Variants in DGKB observed in about 807,000 individuals in gnomAD.
DGKB encodes the protein 90 kDa diacylglycerol kinase.
DGKB carries 67 observed loss-of-function variants against 114.3 expected under a neutral mutation model. That is an observed-to-expected ratio of 0.59 (90% CI 0.48 to 0.72). DGKB has a LOEUF of 0.72. Ranked by LOEUF, DGKB falls within the 30% of genes least tolerant of loss-of-function variation. The pLI is 0.00. For synonymous variants in DGKB, 398 were observed against 323.1 expected, an observed-to-expected ratio of 1.23 and a Z score of -2.49; for missense variants, 907 against 975.2, an observed-to-expected ratio of 0.93 and a Z score of 0.93.
At chr7:14,433,870 A>G (rs1828852479) in intron 21 of DGKB, among the ~76,000 whole-genome samples, 1 of 152,220 alleles carries the variant, frequency 6.6e-6, no homozygotes, top group Non-Finnish European at 1.5e-5. Context: ...TTTATGTCTT[A>G]TATACACCTT....
intron 21 of DGKB, among the ~76,000 whole-genome samples, chr7:14,476,777 C>T (rs191650660): frequency 0.023 from 3,167 of 138,192 alleles, 89 homozygotes; most frequent in African/African-American, 0.071. Flanking sequence ...TTTTTTGAGA[C>T]GGAATCTCAC....
At chr7:14,240,175 G>A (rs749755424) in intron 23 of DGKB, among the ~76,000 whole-genome samples, 12 of 151,860 alleles carry the variant, frequency 7.9e-5, no homozygotes, top group Non-Finnish European at 1.5e-4. Flanking sequence ...TTCTGCCAAA[G>A]AGATTTCACT....
At chr7:14,507,921 G>T (rs531989128) in intron 20 of DGKB, among the ~76,000 whole-genome samples, 140 of 152,212 alleles carry the variant, frequency 9.2e-4, no homozygotes, top group Non-Finnish European at 1.8e-3. Context: ...CAGAGACACA[G>T]ATTTGTCAAC....
chr7:14,638,201 A>G (rs1811099997), intron 13 of DGKB, among the ~76,000 whole-genome samples: 1 of 152,120 alleles, frequency 6.6e-6, no homozygotes, highest in Non-Finnish European at 1.5e-5. Flanking sequence ...TGGATATTTT[A>G]TATAACTACA....
rs990821372 is a variant in DGKB, at chr7:14,164,024, CAAAAT to C, written c.2304+12810_2304+12814del. On this transcript the variant is annotated intron_variant, in intron 25 of 25. Coordinates refer to ENST00000402815, the MANE Select transcript of DGKB (RefSeq NM_001350709.2). ...AACAAAAAACAAACAAAAAAAAAAA[CAAAAT>C]AAAAAACCTCACCACCACAACAACA... Among the ~76,000 whole-genome samples, 18 of 149,692 alleles carry C rather than the reference CAAAAT, an allele frequency of 1.2e-4. 1 individual carries two copies. Among genetic ancestry groups the C allele is most frequent in the East Asian group, 7.9e-4 (4 of 5,042 alleles).
intron 20 of DGKB, among the ~76,000 whole-genome samples, chr7:14,552,911 C>T (rs2128646620): frequency 6.6e-6 from 1 of 152,238 alleles, no homozygotes; most frequent in Middle Eastern, 3.4e-3. Flanking sequence ...CCGGGAAAGC[C>T]ACAGCTATCA....
intron 14 of DGKB, among the ~76,000 whole-genome samples, chr7:14,627,757 C>A (rs533405180): frequency 2.7e-4 from 41 of 151,918 alleles, no homozygotes; most frequent in African/African-American, 9.9e-4. Context: ...GCCTGGCCAA[C>A]ATGGTGAAAC....
intron 2 of DGKB, among the ~76,000 whole-genome samples, chr7:14,775,581 T>C (rs1838040276): frequency 6.6e-6 from 1 of 151,998 alleles, no homozygotes; most frequent in South Asian, 2.1e-4. Flanking sequence ...ACTTCCATGC[T>C]GTTTTTGTGA....
intron 8 of DGKB, among the ~76,000 whole-genome samples, chr7:14,695,186 A>C (rs1563934147): frequency 6.6e-6 from 1 of 152,156 alleles, no homozygotes; most frequent in Non-Finnish European, 1.5e-5. Context: ...TTGTATTTGA[A>C]AATTAGATTA....
At chr7:14,170,046 A>G (rs1033754106) in intron 25 of DGKB, among the ~76,000 whole-genome samples, 3 of 151,486 alleles carry the variant, frequency 2.0e-5, no homozygotes, top group Non-Finnish European at 4.4e-5. Flanking sequence ...AGGCAGGAGA[A>G]TCGCTTGAAC....
At chr7:14,704,566 T>C (rs1252074850) in intron 6 of DGKB, among the ~76,000 whole-genome samples, 2 of 151,012 alleles carry the variant, frequency 1.3e-5, no homozygotes, top group African/African-American at 4.9e-5. Flanking sequence ...GATTTCTGCA[T>C]TTCCATCTGA....
intron 20 of DGKB, among the ~76,000 whole-genome samples, chr7:14,566,003 G>T (rs1197543649): frequency 2.0e-5 from 3 of 151,944 alleles, no homozygotes; most frequent in African/African-American, 7.2e-5. Flanking sequence ...AGTTTTTGAG[G>T]TTTATGATGA....
intron 13 of DGKB, among the ~76,000 whole-genome samples, chr7:14,661,771 C>T (rs566970839): frequency 0.014 from 2,127 of 151,880 alleles, 44 homozygotes; most frequent in African/African-American, 0.048. Context: ...TTTATTGCGG[C>T]ATTATTCACA....
intron 1 of DGKB, among the ~76,000 whole-genome samples, chr7:14,929,645 C>T (rs549648563): frequency 3.3e-5 from 5 of 152,050 alleles, no homozygotes; most frequent in African/African-American, 1.2e-4. Flanking sequence ...ATGCAGTTAG[C>T]ACATATTTTC....
intron 21 of DGKB, among the ~76,000 whole-genome samples, chr7:14,471,954 C>A (rs1324195220): frequency 6.6e-6 from 1 of 152,070 alleles, no homozygotes. Flanking sequence ...GGCTGAGAAC[C>A]TATCTTTGTT....
chr7:14,287,572 G>C (rs1398241732), intron 23 of DGKB, among the ~76,000 whole-genome samples: 2 of 152,102 alleles, frequency 1.3e-5, no homozygotes, highest in Non-Finnish European at 2.9e-5. Context: ...GACTGATAAT[G>C]AAACTGTGTC....
chr7:14,807,645 A>T (rs1265780942), intron 2 of DGKB, among the ~76,000 whole-genome samples: 2 of 152,048 alleles, frequency 1.3e-5, no homozygotes, highest in Admixed American at 1.3e-4. Flanking sequence ...ATTTGAACAT[A>T]TAGTCCTGGA....
chr7:14,602,924 C>T (rs867644652), intron 17 of DGKB, among the ~76,000 whole-genome samples: 2 of 152,248 alleles, frequency 1.3e-5, no homozygotes, highest in Middle Eastern at 6.8e-3. Context: ...ACACACAGAT[C>T]TCTAGTCTAA....
In DGKB at chr7:14,449,510, C is replaced by T. The variant is rs968018242; in HGVS notation, c.1835+28651G>A. On this transcript the variant is annotated intron_variant, in intron 21 of 25. Coordinates refer to ENST00000402815, the MANE Select transcript of DGKB (RefSeq NM_001350709.2). ...TTGGAACAGGCACCCAATTAATATA[C>T]GCCATGCAGGCCACCTTGCTCTTCT... Among the ~76,000 whole-genome samples, 9 of 152,128 alleles carry T rather than the reference C, an allele frequency of 5.9e-5. No individual in the cohort carries two copies. The East Asian group carries it at 1.2e-3, about 20-fold the overall frequency.
Sources: allele counts gnomAD v4.1 joint callset (sites outside exome capture counted in the v4.1 genomes callset), GRCh38; gene constraint gnomAD v4.1.1; transcripts MANE v1.5; gene names NCBI Gene and HGNC (gene_info 2026-07-23, HGNC 2026-07-21).